TPM3: variants seen among roughly 807,000 people sequenced by gnomAD.
The protein encoded by TPM3 is tropomyosin alpha-3 chain.
In TPM3, 16 loss-of-function variants were observed where a neutral mutation model predicts 43.1. The observed-to-expected ratio is 0.37, with a 90% confidence interval of 0.25 to 0.56. The LOEUF is 0.56. Among genes scored for constraint, TPM3 ranks in the 20% least tolerant of loss-of-function variants. The probability of loss-of-function intolerance (pLI) is 0.77; values close to 1 mark genes in which losing one functional copy is unlikely to be tolerated. For missense variants in TPM3, 176 were observed against 337.2 expected (o/e 0.52, Z 3.74); for synonymous variants, 101 against 116.9 (o/e 0.86, Z 0.88).
At chr1:154,190,069 G>A (rs970361794) in intron 2 of TPM3, among the ~76,000 whole-genome samples, 5 of 152,018 alleles carry the variant, frequency 3.3e-5, no homozygotes, top group African/African-American at 1.2e-4. Context: ...AGCCTCCTGA[G>A]TAGCTGGGAT....
At chr1:154,191,399 C>A in intron 1 of TPM3, 88 bp from the exon 2 acceptor site, 1 of 1,597,220 alleles carries the variant, frequency 6.3e-7, no homozygotes, top group Non-Finnish European at 8.5e-7. Flanking sequence ...CTGAGTGTAA[C>A]CTCCATGTTA....
In TPM3 at chr1:154,166,426, ATT is replaced by A. The variant is rs895474088; in HGVS notation, c.*1509_*1510del. 3 of 690,504 alleles carry A rather than the reference ATT, an allele frequency of 4.3e-6. No individual in the cohort carries two copies. The African/African-American group carries it at 5.6e-5, about 13-fold the overall frequency. The allele number at this position is 690,504 out of a possible 1,614,324, so 42.8% of individuals were successfully genotyped here. A position where few individuals can be genotyped will look rare whatever the true frequency, so the allele number is the denominator to read the frequency against. On this transcript the variant is annotated 3_prime_UTR_variant, in exon 10 of 10. Transcript: ENST00000651641. Reference sequence around the variant, plus strand: ...CAGGAGGTCACCATACTGATGCCAAATTTAGTGAGGACATCTGACCTGCATAG... The same window carrying A: ...CAGGAGGTCACCATACTGATGCCAAATAGTGAGGACATCTGACCTGCATAG...
At chr1:154,183,357 C>T (rs948239434) in intron 2 of TPM3, 5 of 1,387,172 alleles carry the variant, frequency 3.6e-6, no homozygotes, top group Non-Finnish European at 4.8e-6. Context: ...GTACGGCTCC[C>T]GGCCTTACCT....
intron 2 of TPM3, among the ~76,000 whole-genome samples, chr1:154,182,283 C>T (rs886409425): frequency 9.9e-5 from 15 of 152,202 alleles, no homozygotes; most frequent in African/African-American, 3.1e-4. Context: ...GAAGTACTAT[C>T]CCCTCCCCTG....
chr1:154,174,630 G>A (rs1349549755), intron 3 of TPM3, among the ~76,000 whole-genome samples: 1 of 149,744 alleles, frequency 6.7e-6, no homozygotes, highest in Non-Finnish European at 1.5e-5. Flanking sequence ...GAGTAGCTGG[G>A]ATTACAGGCG....
chr1:154,170,117 A>G (rs1399851144), intron 8 of TPM3: 2 of 443,232 alleles, frequency 4.5e-6, no homozygotes, highest in Non-Finnish European at 4.2e-6. Context: ...GTTTAAGACT[A>G]ATAAATTGGA....
In TPM3 at chr1:154,183,339, G is replaced by C. The variant is rs534481555; in HGVS notation, c.244-7091C>G. On this transcript the variant is annotated intron_variant, in intron 2 of 9. Transcript: ENST00000651641. Reference sequence around the variant, plus strand: ...CGGCAGGGAGTGGATCCTCCCAGTCGCCCTGGAGTACGGCTCCCGGCCTTA... The same window carrying C: ...CGGCAGGGAGTGGATCCTCCCAGTCCCCCTGGAGTACGGCTCCCGGCCTTA... 713 of 1,442,570 alleles carry C rather than the reference G, an allele frequency of 4.9e-4. 4 individuals carry two copies. In the African/African-American group the frequency reaches 9.3e-3, roughly 19 times the overall value. 89.4% of individuals were successfully genotyped at this position (1,442,570 alleles called of 1,614,324 possible).
chr1:154,170,620 G>A, intron 7 of TPM3, 29 bp downstream of exon 7: 1 of 1,609,250 alleles, frequency 6.2e-7, no homozygotes, highest in South Asian at 1.1e-5. Flanking sequence ...AATGTTTTGG[G>A]TTCTGCCCTA....
intron 2 of TPM3, chr1:154,182,873 A>C: frequency 3.2e-6 from 5 of 1,540,356 alleles, no homozygotes; most frequent in Non-Finnish European, 4.4e-6. Flanking sequence ...TCCCAACTTC[A>C]TCTCCGAGCC....
downstream of TPM3, chr1:154,155,432 A>G (rs1003211655): frequency 6.3e-5 from 17 of 267,718 alleles, no homozygotes; most frequent in African/African-American, 3.3e-4. Flanking sequence ...GCATTGGTCC[A>G]TGCCTATCAA....
At chr1:154,179,415 A>G (rs1662698613) in intron 2 of TPM3, among the ~76,000 whole-genome samples, 1 of 152,238 alleles carries the variant, frequency 6.6e-6, no homozygotes, top group Non-Finnish European at 1.5e-5. Flanking sequence ...AGGCCCACGA[A>G]TAGAAGAGAA....
chr1:154,170,294 C>G (rs980666664), intron 8 of TPM3, 106 bp downstream of exon 8: 4 of 1,256,792 alleles, frequency 3.2e-6, no homozygotes, highest in Non-Finnish European at 4.6e-6. Flanking sequence ...TTAATACATG[C>G]CAAGTCACTA....
chr1:154,187,711 T>C (rs1209929724), intron 2 of TPM3, among the ~76,000 whole-genome samples: 1 of 151,588 alleles, frequency 6.6e-6, no homozygotes, highest in Non-Finnish European at 1.5e-5. Flanking sequence ...TATGTTATTC[T>C]CCTTCTCATG....
Position 154,184,121 on chromosome 1 carries a change from A to C in TPM3, c.243+7065T>G, listed in dbSNP as rs369786034. Among the ~76,000 whole-genome samples the C allele has an allele frequency of 5.7e-4, 86 of 151,930 alleles. 2 individuals carry two copies. In the South Asian group the frequency reaches 0.017, roughly 31 times the overall value. On this transcript the variant is annotated intron_variant, in intron 2 of 9. Coordinates refer to ENST00000651641, the MANE Select transcript of TPM3 (RefSeq NM_152263.4). The stretch of plus-strand genomic sequence containing the variant: ...GAGTGCAGTGGTGCGAACTCGGCTC[A>C]CTGTAAGCTCCGCCTCCCGGGTTCA...
rs1660742293 is a variant in TPM3, at chr1:154,164,535, G to C, written c.*3402C>G. On this transcript the variant is annotated 3_prime_UTR_variant, in exon 10 of 10. Coordinates refer to ENST00000651641, the MANE Select transcript of TPM3 (RefSeq NM_152263.4). ...AGTGGCCAGGCCTTTCACAATGCCTGTCTTTATTTAGTGCTATCTCTCCTG... is the reference window on the plus strand; with the variant it reads ...AGTGGCCAGGCCTTTCACAATGCCTCTCTTTATTTAGTGCTATCTCTCCTG... Among the ~76,000 whole-genome samples the C allele has an allele frequency of 6.6e-6, 1 of 152,130 alleles. No homozygotes were observed. The highest frequency in any genetic ancestry group is 1.5e-5 in the Non-Finnish European group (1 of 68,028).
At chr1:154,158,355 T>C (rs1241090373), downstream of TPM3, among the ~76,000 whole-genome samples, 2 of 152,082 alleles carry the variant, frequency 1.3e-5, no homozygotes, top group African/African-American at 2.4e-5. Flanking sequence ...GAAATTAACA[T>C]AAAACCAGAA....
rs796759565 is a variant in TPM3, at chr1:154,181,910, G to A, written c.244-5662C>T. ...CACTCCAGCCTGAGCGACAGAGTGA[G>A]ACTCTGTCTCAAAAAAAAGAAAGGA... is the stretch of plus-strand genomic sequence containing the variant. On this transcript the variant is annotated intron_variant, in intron 2 of 9. Coordinates refer to ENST00000651641, the MANE Select transcript of TPM3 (RefSeq NM_152263.4). Among the ~76,000 whole-genome samples the A allele has an allele frequency of 3.8e-4, 58 of 152,238 alleles. 1 individual carries two copies. The highest frequency in any genetic ancestry group is 1.3e-3 in the African/African-American group (54 of 41,536).
chr1:154,171,595 G>A (rs1282406160), intron 5 of TPM3, 107 bp from the exon 6 acceptor site: 15 of 1,209,200 alleles, frequency 1.2e-5, no homozygotes, highest in Middle Eastern at 3.8e-4. Flanking sequence ...AGAGAGAGTT[G>A]GAAGGCATAC....
chr1:154,157,374 T>C (rs1659915639), downstream of TPM3: 1 of 560,678 alleles, frequency 1.8e-6, no homozygotes, highest in Non-Finnish European at 3.2e-6. Context: ...CATCACAACA[T>C]GCTTTTTAAA....
Sources: allele counts gnomAD v4.1 joint callset (sites outside exome capture counted in the v4.1 genomes callset), GRCh38; gene constraint gnomAD v4.1.1; transcripts MANE v1.5; gene names NCBI Gene and HGNC (gene_info 2026-07-23, HGNC 2026-07-21).